Variants in ATOSA observed in about 807,000 individuals in gnomAD.
ATOSA encodes the protein atos homolog A.
At chr15:52,643,235 A>G in the ATOSA span, among the ~76,000 whole-genome samples, 1 of 152,140 alleles carries the variant, frequency 6.6e-6, no homozygotes, top group Non-Finnish European at 1.5e-5. Flanking sequence ...TGCTTTTCCA[A>G]TCTTCAGATT....
the ATOSA span, among the ~76,000 whole-genome samples, chr15:52,662,687 G>A: frequency 0.88 from 132,567 of 150,504 alleles, 58,532 homozygotes; most frequent in East Asian, 1. Flanking sequence ...GGAGAATGGC[G>A]TGAACCCGGG....
chr15:52,613,334 C>A, the ATOSA span, among the ~76,000 whole-genome samples: 1 of 152,330 alleles, frequency 6.6e-6, no homozygotes, highest in East Asian at 1.9e-4. Flanking sequence ...CCACTGCACT[C>A]CAGCCTGGGC....
the ATOSA span, among the ~76,000 whole-genome samples, chr15:52,617,885 T>G: frequency 6.6e-6 from 1 of 151,734 alleles, no homozygotes; most frequent in Admixed American, 6.6e-5. Flanking sequence ...CAAATCCACA[T>G]AATTGTAACA....
At chr15:52,594,547 G>A in the ATOSA span, among the ~76,000 whole-genome samples, 3 of 152,154 alleles carry the variant, frequency 2.0e-5, no homozygotes, top group Admixed American at 2.0e-4. Context: ...AAAAGTTTGT[G>A]TAGTCTAAAT....
the ATOSA span, among the ~76,000 whole-genome samples, chr15:52,627,157 A>T: frequency 6.6e-6 from 1 of 152,128 alleles, no homozygotes; most frequent in Non-Finnish European, 1.5e-5. Flanking sequence ...CAAATTCTAA[A>T]CCTGATACTT....
At chr15:52,692,619 G>T in the ATOSA span, among the ~76,000 whole-genome samples, 1 of 151,976 alleles carries the variant, frequency 6.6e-6, no homozygotes, top group Non-Finnish European at 1.5e-5. Flanking sequence ...CTCCCAAAGT[G>T]CTGGGATTAC....
At chr15:52,677,889 A>C in the ATOSA span, 19 of 1,372,398 alleles carry the variant, frequency 1.4e-5, no homozygotes, top group Non-Finnish European at 1.8e-5. Flanking sequence ...AAAAACAGAT[A>C]ATCACATATG....
the ATOSA span, among the ~76,000 whole-genome samples, chr15:52,670,028 C>T: frequency 6.6e-6 from 1 of 152,224 alleles, no homozygotes; most frequent in Admixed American, 6.5e-5. Context: ...TTAGGGTCTA[C>T]TATCACCCAG....
At chr15:52,604,718 A>C in the ATOSA span, among the ~76,000 whole-genome samples, 3 of 152,236 alleles carry the variant, frequency 2.0e-5, no homozygotes, top group Non-Finnish European at 4.4e-5. Context: ...CAGATCTCTA[A>C]ATCTATTAGT....
chr15:52,595,952 A>G, the ATOSA span, among the ~76,000 whole-genome samples: 1 of 152,026 alleles, frequency 6.6e-6, no homozygotes, highest in Non-Finnish European at 1.5e-5. Flanking sequence ...TTCTACAAAA[A>G]TTTTTTAAAA....
the ATOSA span, among the ~76,000 whole-genome samples, chr15:52,700,288 T>C: frequency 6.6e-6 from 1 of 152,176 alleles, no homozygotes; most frequent in Non-Finnish European, 1.5e-5. Context: ...ACGTGTAAAG[T>C]TCCTAAACCC....
At chr15:52,636,348 T>A in the ATOSA span, among the ~76,000 whole-genome samples, 1 of 152,114 alleles carries the variant, frequency 6.6e-6, no homozygotes, top group African/African-American at 2.4e-5. Context: ...TACCAAGTGC[T>A]ATGGGCTAAA....
chr15:52,693,751 A>C, the ATOSA span, among the ~76,000 whole-genome samples: 3 of 152,342 alleles, frequency 2.0e-5, no homozygotes, highest in East Asian at 5.8e-4. Context: ...GGAGTTTAAC[A>C]AATTAATTCC....
the ATOSA span, among the ~76,000 whole-genome samples, chr15:52,637,430 G>T: frequency 6.6e-6 from 1 of 152,084 alleles, no homozygotes; most frequent in Non-Finnish European, 1.5e-5. Flanking sequence ...CCCCAAATTT[G>T]CTCGTCCTCT....
At chr15:52,696,150 A>G in the ATOSA span, among the ~76,000 whole-genome samples, 1 of 152,152 alleles carries the variant, frequency 6.6e-6, no homozygotes, top group Admixed American at 6.5e-5. Flanking sequence ...ACACATGGAA[A>G]CTAACTAATG....
chr15:52,586,966 A>G, the ATOSA span: 8 of 1,241,636 alleles, frequency 6.4e-6, no homozygotes, highest in African/African-American at 1.2e-4. Flanking sequence ...TAGCTTATTA[A>G]TGCTTTCCTT....
At chr15:52,615,260 A>G in the ATOSA span, among the ~76,000 whole-genome samples, 3 of 152,216 alleles carry the variant, frequency 2.0e-5, no homozygotes, top group Admixed American at 2.0e-4. Context: ...GGTAATTTAA[A>G]TATTTCTCAT....
the ATOSA span, among the ~76,000 whole-genome samples, chr15:52,615,489 TTTTGAAACC>T: frequency 2.0e-5 from 3 of 152,204 alleles, no homozygotes; most frequent in Non-Finnish European, 4.4e-5. Flanking sequence ...TAGTTCCTAG[TTTTGAAACC>T]TTTACAATTC....
the ATOSA span, among the ~76,000 whole-genome samples, chr15:52,685,963 T>C: frequency 1.3e-5 from 2 of 152,178 alleles, no homozygotes; most frequent in Non-Finnish European, 2.9e-5. Flanking sequence ...CTGGACTCAC[T>C]CAAGTGATCT....
Sources: gnomAD v4.1 joint callset for allele counts (sites outside exome capture counted in the v4.1 genomes callset) on GRCh38, gnomAD v4.1.1 for gene constraint, MANE v1.5 for transcripts, NCBI Gene and HGNC (gene_info 2026-07-23, HGNC 2026-07-21) for gene names.